The following FGF14 variants were observed in gnomAD, a reference collection of about 807,000 sequenced individuals.
FGF14 encodes the protein fibroblast growth factor homologous factor 4.
FGF14 carries 5 observed loss-of-function variants against 25.5 expected under a neutral mutation model. The observed-to-expected ratio is 0.20, with a 90% CI of 0.10 to 0.41. The LOEUF (loss-of-function observed/expected upper bound fraction) is 0.41. FGF14 is among the 10% of genes least tolerant of loss of function. The probability of loss-of-function intolerance (pLI) is 1.00; values close to 1 mark genes in which losing one functional copy is unlikely to be tolerated. For missense variants in FGF14, 222 were observed against 320.1 expected (o/e 0.69, Z 2.34); for synonymous variants, 138 against 118.3 (o/e 1.17, Z -1.08).
At chr13:101,914,201 AATT>A (rs2033240368) in intron 1 of FGF14, among the ~76,000 whole-genome samples, 1 of 151,118 alleles carries the variant, frequency 6.6e-6, no homozygotes, top group South Asian at 2.1e-4. Context: ...TTAAATGAAT[AATT>A]ATATTGTTAT....
At chr13:101,993,817 A>C (rs1445591197) in intron 1 of FGF14, among the ~76,000 whole-genome samples, 1 of 151,984 alleles carries the variant, frequency 6.6e-6, no homozygotes, top group East Asian at 1.9e-4. Context: ...TGAAAGATAC[A>C]GTTTGTGACG....
At chr13:102,000,970 G>A (rs2039461911) in intron 1 of FGF14, among the ~76,000 whole-genome samples, 1 of 152,150 alleles carries the variant, frequency 6.6e-6, no homozygotes, top group Admixed American at 6.5e-5. Context: ...TCCTTAAAGG[G>A]CAGAGACTAG....
intron 1 of FGF14, among the ~76,000 whole-genome samples, chr13:102,372,206 C>T (rs1018574108): frequency 6.6e-6 from 1 of 152,078 alleles, no homozygotes; most frequent in Admixed American, 6.6e-5. Flanking sequence ...AAAACCTGCC[C>T]AACATCTAAC....
intron 1 of FGF14, among the ~76,000 whole-genome samples, chr13:102,132,546 G>A (rs1274589095): frequency 1.3e-5 from 2 of 149,960 alleles, no homozygotes; most frequent in Non-Finnish European, 3.0e-5. Context: ...AGAGTGCCCA[G>A]GCCTGAGTGC....
chr13:102,255,682 TG>T (rs1382292854), intron 1 of FGF14, among the ~76,000 whole-genome samples: 7 of 152,142 alleles, frequency 4.6e-5, no homozygotes, highest in African/African-American at 1.7e-4. Flanking sequence ...ATTCTGCTTC[TG>T]GGGGGCAAGT....
chr13:102,007,605 T>C (rs372698176), intron 1 of FGF14, among the ~76,000 whole-genome samples: 75 of 152,338 alleles, frequency 4.9e-4, no homozygotes, highest in African/African-American at 1.6e-3. Flanking sequence ...ATTCAGGGAC[T>C]CTGTGACTCC....
chr13:101,966,538 A>G (rs957746775), intron 1 of FGF14, among the ~76,000 whole-genome samples: 2 of 152,080 alleles, frequency 1.3e-5, no homozygotes, highest in African/African-American at 4.8e-5. Flanking sequence ...GCTGGAATGC[A>G]GTGGTGCCAT....
intron 4 of FGF14, among the ~76,000 whole-genome samples, chr13:101,725,539 A>T (rs1054040807): frequency 1.3e-5 from 2 of 152,108 alleles, no homozygotes; most frequent in Non-Finnish European, 1.5e-5. Flanking sequence ...GAATTTAGGC[A>T]AATTGAAAAT....
intron 1 of FGF14, among the ~76,000 whole-genome samples, chr13:102,071,069 A>C (rs1161503753): frequency 4.6e-5 from 7 of 152,230 alleles, no homozygotes; most frequent in African/African-American, 1.4e-4. Flanking sequence ...GTCATAGTTT[A>C]CACCAGCAAC....
intron 1 of FGF14, among the ~76,000 whole-genome samples, chr13:101,984,183 T>C (rs1474487707): frequency 1.3e-5 from 2 of 152,166 alleles, no homozygotes; most frequent in Non-Finnish European, 2.9e-5. Context: ...TATATTGATA[T>C]ATTGACGTCA....
At chr13:102,321,352 G>C (rs912379883) in intron 1 of FGF14, among the ~76,000 whole-genome samples, 2 of 151,978 alleles carry the variant, frequency 1.3e-5, no homozygotes, top group African/African-American at 2.4e-5. Flanking sequence ...CTCCATATAT[G>C]GAGTTACTAT....
chr13:101,945,098 C>T (rs963219037), intron 1 of FGF14, among the ~76,000 whole-genome samples: 1 of 152,300 alleles, frequency 6.6e-6, no homozygotes. Flanking sequence ...GCAGGTGGAT[C>T]ACCTGAGGTC....
At chr13:101,867,828 A>G (rs2044795233) in intron 3 of FGF14, among the ~76,000 whole-genome samples, 1 of 151,734 alleles carries the variant, frequency 6.6e-6, no homozygotes, top group African/African-American at 2.4e-5. Context: ...GATTTCCCAA[A>G]TTGACTGAAG....
intron 1 of FGF14, among the ~76,000 whole-genome samples, chr13:102,370,570 A>G (rs1164908758): frequency 6.6e-6 from 1 of 152,088 alleles, no homozygotes; most frequent in Non-Finnish European, 1.5e-5. Flanking sequence ...TTTTAAAGTA[A>G]ATGATAACAA....
At chr13:102,061,766 C>A (rs1345049393) in intron 1 of FGF14, among the ~76,000 whole-genome samples, 1 of 152,172 alleles carries the variant, frequency 6.6e-6, no homozygotes, top group Non-Finnish European at 1.5e-5. Context: ...CTGCCTCTCT[C>A]TTGAAACATT....
intron 1 of FGF14, among the ~76,000 whole-genome samples, chr13:102,056,323 G>T (rs1458958804): frequency 6.6e-6 from 1 of 152,162 alleles, no homozygotes; most frequent in East Asian, 1.9e-4. Flanking sequence ...AAGAAACATA[G>T]TTCAACAATC....
At chr13:101,965,675 G>GTT (rs201323636) in intron 1 of FGF14, among the ~76,000 whole-genome samples, 23,136 of 143,502 alleles carry the variant, frequency 0.16, 2,214 homozygotes, top group Admixed American at 0.3. Flanking sequence ...TTTTGTGTTA[G>GTT]TTTTTTTTTT....
chr13:102,184,193 T>C (rs897395905), intron 1 of FGF14, among the ~76,000 whole-genome samples: 1 of 152,106 alleles, frequency 6.6e-6, no homozygotes, highest in South Asian at 2.1e-4. Context: ...AGGCCAGTAC[T>C]GACTTCCGTT....
intron 3 of FGF14, among the ~76,000 whole-genome samples, chr13:101,771,193 C>T (rs1367685678): frequency 6.6e-6 from 1 of 152,000 alleles, no homozygotes; most frequent in Non-Finnish European, 1.5e-5. Flanking sequence ...ATTCAAGCCC[C>T]TACAGTGTTA....
Sources: gnomAD v4.1 joint callset for allele counts (sites outside exome capture counted in the v4.1 genomes callset) on GRCh38, gnomAD v4.1.1 for gene constraint, MANE v1.5 for transcripts, NCBI Gene and HGNC (gene_info 2026-07-23, HGNC 2026-07-21) for gene names.